Variants in MTCL3 observed in about 807,000 individuals in gnomAD.
MTCL3 encodes the protein MTCL family member 3, also known as microtubule cross-linking factor 3.
chr6:127,482,217 G>A, the MTCL3 span, among the ~76,000 whole-genome samples: 4 of 151,780 alleles, frequency 2.6e-5, no homozygotes, highest in Admixed American at 6.6e-5. This position sits in a 1 kb window ranked among gnomAD's most constrained non-coding sequence, Gnocchi z 4.1. Flanking sequence ...TTTCTTGCAC[G>A]AGATCCGAGA....
At chr6:127,500,819 AT>A in the MTCL3 span, among the ~76,000 whole-genome samples, 19 of 149,442 alleles carry the variant, frequency 1.3e-4, no homozygotes, top group African/African-American at 1.5e-4. Context: ...AACTGAAAGA[AT>A]TTTTTTTTTT....
chr6:127,475,788 G>A, the MTCL3 span: 481 of 1,610,858 alleles, frequency 3.0e-4, no homozygotes, highest in Non-Finnish European at 4.0e-4. The surrounding 1 kb of genome is among the most constrained non-coding windows in gnomAD (Gnocchi z 7.3). Flanking sequence ...CGCGGGGGCT[G>A]CCGCGGATGC....
At chr6:127,488,943 T>G in the MTCL3 span, among the ~76,000 whole-genome samples, 1 of 152,088 alleles carries the variant, frequency 6.6e-6, no homozygotes, top group Non-Finnish European at 1.5e-5. Flanking sequence ...TAATCTAGAG[T>G]TGATATAAAG....
chr6:127,473,801 TC>T, the MTCL3 span, among the ~76,000 whole-genome samples: 1 of 152,232 alleles, frequency 6.6e-6, no homozygotes, highest in African/African-American at 2.4e-5. Context: ...CTGTTGTACT[TC>T]CGTGGGTTCT....
At chr6:127,473,289 C>T in the MTCL3 span, 2 of 1,530,906 alleles carry the variant, frequency 1.3e-6, no homozygotes, top group Non-Finnish European at 1.7e-6. Flanking sequence ...ATTTACAGTA[C>T]AAAAAACAGT....
chr6:127,499,868 T>C, the MTCL3 span, among the ~76,000 whole-genome samples: 14 of 152,214 alleles, frequency 9.2e-5, no homozygotes, highest in African/African-American at 3.4e-4. Flanking sequence ...TTCCCCTCAC[T>C]ACCTTTCTTT....
the MTCL3 span, among the ~76,000 whole-genome samples, chr6:127,503,554 A>G: frequency 6.6e-6 from 1 of 152,160 alleles, no homozygotes; most frequent in Non-Finnish European, 1.5e-5. Flanking sequence ...TTTTTCACCA[A>G]AGCACAAAGA....
chr6:127,490,922 C>T, the MTCL3 span, among the ~76,000 whole-genome samples: 1 of 152,124 alleles, frequency 6.6e-6, no homozygotes. Context: ...GATTCCAACC[C>T]TCAGGGATGA....
At chr6:127,514,884 C>T in the MTCL3 span, 2 of 1,614,118 alleles carry the variant, frequency 1.2e-6, no homozygotes, top group Non-Finnish European at 1.7e-6. Flanking sequence ...CTGGGCGTAG[C>T]GGAGCCTTTT....
At chr6:127,510,574 G>A in the MTCL3 span, among the ~76,000 whole-genome samples, 1 of 152,154 alleles carries the variant, frequency 6.6e-6, no homozygotes, top group African/African-American at 2.4e-5. Flanking sequence ...CCATTCTTAA[G>A]TACAATTTTT....
At chr6:127,518,688 GTTCAAC>G in the MTCL3 span, 2 of 152,336 alleles carry the variant, frequency 1.3e-5, no homozygotes, top group East Asian at 3.9e-4. Flanking sequence ...GCCGAGGAAA[GTTCAAC>G]TTCATATTAT....
the MTCL3 span, among the ~76,000 whole-genome samples, chr6:127,477,344 A>T: frequency 1.3e-5 from 2 of 152,226 alleles, no homozygotes; most frequent in Non-Finnish European, 2.9e-5. Context: ...AAAAGTACAA[A>T]AGGAGGAATG....
the MTCL3 span, among the ~76,000 whole-genome samples, chr6:127,486,933 A>G: frequency 1.3e-5 from 2 of 152,230 alleles, no homozygotes; most frequent in African/African-American, 2.4e-5. Flanking sequence ...TTATGCATAT[A>G]GAAGTCTCCT....
the MTCL3 span, among the ~76,000 whole-genome samples, chr6:127,487,638 A>G: frequency 6.6e-6 from 1 of 152,254 alleles, no homozygotes; most frequent in African/African-American, 2.4e-5. Flanking sequence ...CAGAGAGCTT[A>G]CTTAGGACCA....
chr6:127,474,874 T>G, the MTCL3 span, among the ~76,000 whole-genome samples: 1 of 152,204 alleles, frequency 6.6e-6, no homozygotes, highest in Non-Finnish European at 1.5e-5. Flanking sequence ...AAACTCAATA[T>G]GGATCTTGGC....
the MTCL3 span, among the ~76,000 whole-genome samples, chr6:127,511,854 A>T: frequency 2.0e-5 from 3 of 152,302 alleles, no homozygotes; most frequent in South Asian, 6.2e-4. Context: ...TGATAATTGC[A>T]CTGTTATTTG....
the MTCL3 span, chr6:127,476,584 A>C: frequency 1.3e-6 from 1 of 770,544 alleles, no homozygotes; most frequent in Non-Finnish European, 2.0e-6. This position sits in a 1 kb window ranked among gnomAD's most constrained non-coding sequence, Gnocchi z 4.4. Flanking sequence ...ATTTAATGAC[A>C]GAGAGAAACA....
At chr6:127,514,115 G>A in the MTCL3 span, among the ~76,000 whole-genome samples, 1 of 152,234 alleles carries the variant, frequency 6.6e-6, no homozygotes, top group Non-Finnish European at 1.5e-5. Flanking sequence ...TCTGCCTACA[G>A]TCAAACTGAA....
the MTCL3 span, among the ~76,000 whole-genome samples, chr6:127,484,684 G>T: frequency 6.6e-6 from 1 of 152,064 alleles, no homozygotes; most frequent in African/African-American, 2.4e-5. Flanking sequence ...CTCTTTTGGG[G>T]GTTCTCAGCT....
Sources: gnomAD v4.1 joint callset for allele counts (sites outside exome capture counted in the v4.1 genomes callset) on GRCh38, gnomAD v4.1.1 for gene constraint, Gnocchi (gnomAD v3.1) non-coding constraint, MANE v1.5 for transcripts, NCBI Gene and HGNC (gene_info 2026-07-23, HGNC 2026-07-21) for gene names.